The following WWOX variants were observed in gnomAD, a reference collection of about 807,000 sequenced individuals.
WWOX encodes WW domain containing oxidoreductase.
WWOX carries 69 observed loss-of-function variants against 46.2 expected under a neutral mutation model. The ratio of observed to expected loss-of-function variants is 1.49; its 90% CI spans 1.23 to 1.82. WWOX has a LOEUF of 1.82. Ranked by LOEUF, WWOX falls within the 40% of genes most tolerant of loss-of-function variation. The pLI, the probability that WWOX is intolerant of heterozygous loss-of-function variation, is 0.00. For synonymous variants in WWOX, 359 were observed against 202.6 expected (o/e 1.77, Z -6.56); for missense variants, 919 against 542.6 (o/e 1.69, Z -6.89).
chr16:79,158,302 A>T (rs890627477), intron 8 of WWOX, among the ~76,000 whole-genome samples: 1 of 152,222 alleles, frequency 6.6e-6, no homozygotes, highest in African/African-American at 2.4e-5. Flanking sequence ...AAGACAGAGA[A>T]ACAAGACTAG....
At chr16:78,309,228 C>G (rs1004099143) in intron 5 of WWOX, among the ~76,000 whole-genome samples, 7 of 152,188 alleles carry the variant, frequency 4.6e-5, no homozygotes, top group South Asian at 2.1e-4. Context: ...ATAGTGAGTT[C>G]TCACGTGATC....
chr16:78,425,102 A>G, intron 7 of WWOX, 47 bp downstream of exon 7: 1 of 1,606,664 alleles, frequency 6.2e-7, no homozygotes, highest in Non-Finnish European at 8.5e-7. Flanking sequence ...TTCTCATACC[A>G]GCTAATATTC....
chr16:79,029,798 T>C (rs185342247), intron 8 of WWOX, among the ~76,000 whole-genome samples: 50 of 152,300 alleles, frequency 3.3e-4, no homozygotes, highest in Admixed American at 1.2e-3. Context: ...GTCTTTGGAC[T>C]CTCCCGCTAG....
chr16:78,879,067 A>C (rs1182949855), intron 8 of WWOX, among the ~76,000 whole-genome samples: 1 of 152,006 alleles, frequency 6.6e-6, no homozygotes, highest in Non-Finnish European at 1.5e-5. Context: ...GGAGGAAAGG[A>C]GGAAGGGAGG....
chr16:78,115,633 A>G (rs2032742054), intron 4 of WWOX, among the ~76,000 whole-genome samples: 1 of 152,170 alleles, frequency 6.6e-6, no homozygotes, highest in Non-Finnish European at 1.5e-5. Context: ...AAATTGGAGA[A>G]TGAGTTCCTG....
At chr16:79,131,771 T>G (rs955199251) in intron 8 of WWOX, among the ~76,000 whole-genome samples, 1 of 152,028 alleles carries the variant, frequency 6.6e-6, no homozygotes, top group African/African-American at 2.4e-5. Flanking sequence ...CACTGCTTGA[T>G]AAAAACATAC....
chr16:78,736,909 C>T (rs1166215393), intron 8 of WWOX, among the ~76,000 whole-genome samples: 1 of 151,860 alleles, frequency 6.6e-6, no homozygotes, highest in African/African-American at 2.4e-5. Context: ...GTGCCCGGCC[C>T]ACAATGGTTT....
intron 8 of WWOX, among the ~76,000 whole-genome samples, chr16:78,844,418 G>A (rs1045543647): frequency 6.6e-6 from 1 of 152,098 alleles, no homozygotes; most frequent in South Asian, 2.1e-4. Flanking sequence ...AGTGGGTTAC[G>A]ATGAATAATT....
intron 8 of WWOX, among the ~76,000 whole-genome samples, chr16:79,037,604 C>T (rs537261510): frequency 6.6e-6 from 1 of 152,158 alleles, no homozygotes; most frequent in Non-Finnish European, 1.5e-5. Flanking sequence ...TGCTACCTCC[C>T]AGAAGCTGAG....
intron 8 of WWOX, among the ~76,000 whole-genome samples, chr16:78,485,212 T>C (rs1299290225): frequency 6.6e-6 from 1 of 152,174 alleles, no homozygotes; most frequent in African/African-American, 2.4e-5. Flanking sequence ...GTGGGAAGTG[T>C]AGAGTTTCAT....
intron 8 of WWOX, among the ~76,000 whole-genome samples, chr16:78,961,659 G>C (rs192691517): frequency 6.6e-6 from 1 of 152,048 alleles, no homozygotes; most frequent in Non-Finnish European, 1.5e-5. Flanking sequence ...CCAGCTTCAC[G>C]TGCAAGAGAA....
intron 8 of WWOX, among the ~76,000 whole-genome samples, chr16:78,977,275 C>G (rs71398119): frequency 6.6e-6 from 1 of 152,160 alleles, no homozygotes; most frequent in African/African-American, 2.4e-5. Context: ...CAGAGAGGTT[C>G]GAGCTCTTAA....
intron 8 of WWOX, among the ~76,000 whole-genome samples, chr16:78,824,913 C>T (rs1047030770): frequency 6.6e-6 from 1 of 152,112 alleles, no homozygotes; most frequent in Non-Finnish European, 1.5e-5. Flanking sequence ...CCTTTGGGAG[C>T]AATTTTTGGG....
Position 78,261,825 on chromosome 16 carries a change from A to G in WWOX, c.516+97536A>G, listed in dbSNP as rs1327748636. On this transcript the variant is annotated intron_variant, in intron 5 of 8. Transcript: ENST00000566780. Reference sequence around the variant, plus strand: ...ATATATATATATATATATACTTATAATGTGGTGGGTTCTCGAATCACAGTT... The same window carrying G: ...ATATATATATATATATATACTTATAGTGTGGTGGGTTCTCGAATCACAGTT... Among the ~76,000 whole-genome samples the G allele has an allele frequency of 5.8e-5, 8 of 137,346 alleles. No individual in the cohort carries two copies. In the East Asian group the frequency reaches 1.7e-3, roughly 29 times the overall value. 90.1% of individuals were successfully genotyped at this position (137,346 alleles called of 152,430 possible).
At chr16:78,580,075 A>G (rs943518118) in intron 8 of WWOX, among the ~76,000 whole-genome samples, 1 of 143,732 alleles carries the variant, frequency 7.0e-6, no homozygotes, top group South Asian at 2.2e-4. Context: ...GACAGAGGAA[A>G]TTTTTTTTTT....
At chr16:79,049,650 T>C (rs1567514562) in intron 8 of WWOX, among the ~76,000 whole-genome samples, 1 of 151,950 alleles carries the variant, frequency 6.6e-6, no homozygotes, top group Non-Finnish European at 1.5e-5. Context: ...AGCCTGGCCA[T>C]GATGGCGAAA....
At chr16:78,392,789 T>C (rs6564537) in intron 6 of WWOX, among the ~76,000 whole-genome samples, 140,626 of 152,170 alleles carry the variant, frequency 0.92, 65,283 homozygotes, top group African/African-American at 0.98. Context: ...CAGGCCTGAT[T>C]GCCAAAGCCA....
chr16:79,093,175 A>G (rs1162004320), intron 8 of WWOX, among the ~76,000 whole-genome samples: 2 of 152,190 alleles, frequency 1.3e-5, no homozygotes, highest in African/African-American at 4.8e-5. Flanking sequence ...ATGGGCAAAA[A>G]TTATGTGTTT....
chr16:78,223,132 G>A (rs1483543258), intron 5 of WWOX, among the ~76,000 whole-genome samples: 1 of 152,204 alleles, frequency 6.6e-6, no homozygotes, highest in East Asian at 1.9e-4. Context: ...ACTGTCAGTA[G>A]CAGAAATAAA....
Sources: gnomAD v4.1 joint callset for allele counts (sites outside exome capture counted in the v4.1 genomes callset) on GRCh38, gnomAD v4.1.1 for gene constraint, MANE v1.5 for transcripts, NCBI Gene and HGNC (gene_info 2026-07-23, HGNC 2026-07-21) for gene names.